The following NCKAP1 variants were observed in gnomAD, a reference collection of about 807,000 sequenced individuals.
NCKAP1 encodes the protein NCK associated protein 1.
NCKAP1 carries 21 observed loss-of-function variants against 151.2 expected under a neutral mutation model. The observed-to-expected ratio is 0.14, with a 90% CI of 0.10 to 0.20. The LOEUF is 0.20. NCKAP1 is among the 10% of genes least tolerant of loss of function. The probability of loss-of-function intolerance (pLI) is 1.00; values close to 1 mark genes in which losing one functional copy is unlikely to be tolerated. For synonymous variants in NCKAP1, 484 were observed against 451.8 expected, an observed-to-expected ratio of 1.07 and a Z score of -0.90; for missense variants, 933 against 1,352.1, an observed-to-expected ratio of 0.69 and a Z score of 4.86.
intron 15 of NCKAP1, among the ~76,000 whole-genome samples, chr2:182,976,292 T>C (rs1697822036): frequency 6.6e-6 from 1 of 152,234 alleles, no homozygotes; most frequent in Admixed American, 6.5e-5. Context: ...ATATATTAAA[T>C]GAACACTCTA....
In NCKAP1 at chr2:182,913,166, T is replaced by C. The variant is rs1422456035; in HGVS notation, c.*12536A>G. On this transcript the variant is annotated 3_prime_UTR_variant, in exon 31 of 31. Transcript: ENST00000361354. ...CCACTATATTATAAGCTCTGTGACA[T>C]CAAGGACCAAATCTGGTTCATGTAC... 1 of 152,226 alleles carries C rather than the reference T, an allele frequency of 6.6e-6. No individual in the cohort carries two copies. Among genetic ancestry groups the C allele is most frequent in the Non-Finnish European group, 1.5e-5 (1 of 68,046 alleles). The allele number at this position is 152,226 out of a possible 1,614,324, so 9.4% of individuals were successfully genotyped here. A position where few individuals can be genotyped will look rare whatever the true frequency, so the allele number is the denominator to read the frequency against.
At chr2:182,965,100 CATTATTA>C (rs1455305099) in intron 16 of NCKAP1, among the ~76,000 whole-genome samples, 1 of 151,610 alleles carries the variant, frequency 6.6e-6, no homozygotes, top group Non-Finnish European at 1.5e-5. Context: ...GAAAAAATAC[CATTATTA>C]TGGCTGGGTG....
chr2:182,934,517 T>C (rs142226761), intron 26 of NCKAP1: 31 of 268,576 alleles, frequency 1.2e-4, no homozygotes, highest in Non-Finnish European at 2.1e-4. Flanking sequence ...AAAAAATCTA[T>C]TTTTAGTCAA....
chr2:182,942,165 T>TA lies in NCKAP1; in HGVS notation c.2602-3dup, dbSNP rs140820523. 4.4e-3 allele frequency: 6,156 copies of TA among 1,406,906 alleles called. No individual in the cohort carries two copies. Among genetic ancestry groups the TA allele is most frequent in the South Asian group, 7.5e-3 (550 of 73,410 alleles). 87.2% of individuals were successfully genotyped at this position (1,406,906 alleles called of 1,614,324 possible). On this transcript the variant is annotated splice_polypyrimidine_tract_variant and splice_region_variant and intron_variant, in intron 23 of 30. Transcript: ENST00000361354. Reference sequence around the variant, plus strand: ...ATCAACATTCTCCACCACAAGTTTCTAAAAAAAAAAGAAAGATCCTAGGTC... The same window carrying TA: ...ATCAACATTCTCCACCACAAGTTTCTAAAAAAAAAAAGAAAGATCCTAGGTC...
intron 6 of NCKAP1, among the ~76,000 whole-genome samples, chr2:183,000,566 G>A (rs1438992964): frequency 6.6e-6 from 1 of 152,144 alleles, no homozygotes; most frequent in Non-Finnish European, 1.5e-5. Context: ...CATGATATGT[G>A]CAGTATTTTG....
At chr2:182,973,379 G>A (rs1438259586) in intron 15 of NCKAP1, among the ~76,000 whole-genome samples, 2 of 151,986 alleles carry the variant, frequency 1.3e-5, no homozygotes, top group Non-Finnish European at 2.9e-5. Flanking sequence ...GACGAGAGAA[G>A]ATATTTGAAA....
intron 1 of NCKAP1, among the ~76,000 whole-genome samples, chr2:183,035,876 C>CT (rs1699091711): frequency 1.3e-5 from 2 of 151,610 alleles, no homozygotes; most frequent in Non-Finnish European, 2.9e-5. Context: ...CTGAAGGCCT[C>CT]GAGTATCAGA....
chr2:182,966,057 T>A (rs1385493166), intron 16 of NCKAP1, among the ~76,000 whole-genome samples: 2 of 152,186 alleles, frequency 1.3e-5, no homozygotes, highest in African/African-American at 2.4e-5. Flanking sequence ...ATTATACTAT[T>A]TTCCAAAATA....
At chr2:183,037,868 C>A (rs963235170) in intron 1 of NCKAP1, 124 bp downstream of exon 1, 8 of 691,622 alleles carry the variant, frequency 1.2e-5, no homozygotes, top group Non-Finnish European at 1.1e-5. Context: ...GGCCGGGCCT[C>A]GGGCGGCGAC....
chr2:183,025,078 C>G, intron 1 of NCKAP1: 1 of 1,253,680 alleles, frequency 8.0e-7, no homozygotes, highest in Non-Finnish European at 1.2e-6. Context: ...CAGAAGAAAA[C>G]TTATGCACTG....
At position 182,915,292 on chromosome 2, in the gene NCKAP1, C is replaced by G. The variant is rs191924499; in HGVS notation, c.*10410G>C. 6.6e-6 allele frequency: 1 copy of G among 152,102 alleles called. No homozygotes were observed. Among genetic ancestry groups the G allele is most frequent in the Non-Finnish European group, 1.5e-5 (1 of 68,034 alleles). The allele number at this position is 152,102 out of a possible 1,614,324, so 9.4% of individuals were successfully genotyped here. A position where few individuals can be genotyped will look rare whatever the true frequency, so the allele number is the denominator to read the frequency against. On this transcript the variant is annotated 3_prime_UTR_variant, in exon 31 of 31. Transcript: ENST00000361354. ...ATAGAATGCAAATGTTCAGACTTTG[C>G]TTTTCAAAAACGTTGTATGGTTCAC...
At chr2:182,937,573 G>T (rs1286829854) in intron 24 of NCKAP1, among the ~76,000 whole-genome samples, 1 of 151,958 alleles carries the variant, frequency 6.6e-6, no homozygotes, top group Non-Finnish European at 1.5e-5. Flanking sequence ...AAGCAATGAG[G>T]GTGTTGTTCA....
chr2:182,972,852 T>C (rs1173389237), intron 15 of NCKAP1, among the ~76,000 whole-genome samples: 3 of 152,018 alleles, frequency 2.0e-5, no homozygotes, highest in Non-Finnish European at 2.9e-5. Context: ...AATAAATTGA[T>C]CTCATGGACG....
At position 182,919,058 on chromosome 2, in the gene NCKAP1, T is replaced by C. The variant is rs977350382; in HGVS notation, c.*6644A>G. The C allele has an allele frequency of 1.1e-4, 16 of 152,330 alleles. No individual in the cohort carries two copies. The highest frequency in any genetic ancestry group is 3.8e-4 in the African/African-American group (16 of 41,584). 9.4% of individuals were successfully genotyped at this position (152,330 alleles called of 1,614,324 possible). On this transcript the variant is annotated 3_prime_UTR_variant, in exon 31 of 31. Coordinates refer to ENST00000361354, the MANE Select transcript of NCKAP1 (RefSeq NM_013436.5). Reference sequence around the variant, plus strand: ...GGGGGTCATCATGATATAGGATTACTGTGAAGACTAAAAGAGCAATATTTA... The same window carrying C: ...GGGGGTCATCATGATATAGGATTACCGTGAAGACTAAAAGAGCAATATTTA...
intron 15 of NCKAP1, among the ~76,000 whole-genome samples, chr2:182,975,244 AAAAT>A (rs894982069): frequency 7.9e-5 from 12 of 152,346 alleles, no homozygotes; most frequent in South Asian, 2.1e-4. Context: ...TTGTAATAAG[AAAAT>A]AACCTATAAT....
chr2:183,010,003 A>C, intron 2 of NCKAP1, among the ~76,000 whole-genome samples: 1 of 152,220 alleles, frequency 6.6e-6, no homozygotes, highest in East Asian at 1.9e-4. Context: ...TCACTTTATA[A>C]TTAAGGTTAT....
In NCKAP1 at chr2:182,925,708, A is replaced by T. The variant is rs780127631; in HGVS notation, c.3381T>A (p.Ser1127=). 10 of 1,534,580 alleles carry T rather than the reference A, an allele frequency of 6.5e-6. No homozygotes were observed. The highest frequency in any genetic ancestry group is 8.8e-6 in the Non-Finnish European group (10 of 1,139,690). The change falls in exon 31 of 31, where the codon TCT becomes TCA. Residue 1127 remains serine (S), a synonymous_variant. Transcript: ENST00000361354. ...CTTGATTAAGTAGGTAATTTTATGC[A>T]GAAGATGTAACACTTTGTTTGTAGA... The part of the protein sequence containing the change: ...HAVYKQSVTS[S]A
chr2:182,928,523 T>C (rs756996595), intron 28 of NCKAP1, among the ~76,000 whole-genome samples: 32 of 152,030 alleles, frequency 2.1e-4, no homozygotes, highest in Non-Finnish European at 4.3e-4. Flanking sequence ...AGTGCTTAGC[T>C]GCTTTACAAC....
At position 183,032,623 on chromosome 2, in the gene NCKAP1, T is replaced by C. The variant is rs547322264; in HGVS notation, c.108+5369A>G. On this transcript the variant is annotated intron_variant, in intron 1 of 30. Coordinates refer to ENST00000361354, the MANE Select transcript of NCKAP1 (RefSeq NM_013436.5). ...TGTTATCTTATGGGACTACTGTGTA[T>C]AGGCAGTCCATCATTTCAGTGTTAT... 6.6e-5 allele frequency among the ~76,000 whole-genome samples: 10 copies of C among 152,316 alleles called. No homozygotes were observed. In the South Asian group the frequency reaches 2.1e-3, roughly 32 times the overall value.
Sources: allele counts gnomAD v4.1 joint callset (sites outside exome capture counted in the v4.1 genomes callset), GRCh38; gene constraint gnomAD v4.1.1; transcripts MANE v1.5; gene names NCBI Gene and HGNC (gene_info 2026-07-23, HGNC 2026-07-21).